The following DUSP3 variants were observed in gnomAD, a reference collection of about 807,000 sequenced individuals.
DUSP3 encodes dual specificity phosphatase 3, also known as dual specificity protein phosphatase 3.
In DUSP3, 7 loss-of-function variants were observed where a neutral mutation model predicts 15.5. That is an observed-to-expected ratio of 0.45 (90% CI 0.26 to 0.85). DUSP3 has a LOEUF of 0.85. Among genes scored for constraint, DUSP3 ranks in the 40% least tolerant of loss-of-function variants. The probability of loss-of-function intolerance (pLI) is 0.18; values close to 1 mark genes in which losing one functional copy is unlikely to be tolerated. For synonymous variants in DUSP3, 86 were observed against 104.2 expected (o/e 0.83, Z 1.07); for missense variants, 209 against 251.7 (o/e 0.83, Z 1.15).
At chr17:43,774,281 A>G (rs949757091) in intron 2 of DUSP3, among the ~76,000 whole-genome samples, 7 of 152,022 alleles carry the variant, frequency 4.6e-5, no homozygotes, top group African/African-American at 1.7e-4. Flanking sequence ...AGAAGAGAGA[A>G]AGGGAAAGGG....
chr17:43,766,364 C>T lies in DUSP3; in HGVS notation c.*3245G>A, dbSNP rs1974241907. The T allele has an allele frequency of 1.3e-5, 2 of 152,186 alleles. No homozygotes were observed. The highest frequency in any genetic ancestry group is 1.3e-4 in the Admixed American group (2 of 15,270). The allele number at this position is 152,186 out of a possible 1,614,324, so 9.4% of individuals were successfully genotyped here. A position where few individuals can be genotyped will look rare whatever the true frequency, so the allele number is the denominator to read the frequency against. On this transcript the variant is annotated 3_prime_UTR_variant, in exon 3 of 3. Coordinates refer to ENST00000226004, the MANE Select transcript of DUSP3 (RefSeq NM_004090.4). Reference sequence around the variant, plus strand: ...CTCAACCGGAAATGTCTTCTATTTCCAATCAGGATAAAACCTTGACTTACT... The same window carrying T: ...CTCAACCGGAAATGTCTTCTATTTCTAATCAGGATAAAACCTTGACTTACT...
At position 43,769,531 on chromosome 17, in the gene DUSP3, TC is replaced by T; in HGVS notation, c.*77del. The T allele has an allele frequency of 1.3e-6, 2 of 1,539,250 alleles. No individual in the cohort carries two copies. The highest frequency in any genetic ancestry group is 1.8e-6 in the Non-Finnish European group (2 of 1,123,496). On this transcript the variant is annotated 3_prime_UTR_variant, in exon 3 of 3. Coordinates refer to ENST00000226004, the MANE Select transcript of DUSP3 (RefSeq NM_004090.4). Reference sequence around the variant, plus strand: ...TGCTGGGAGCAGGGTACAGTGTGTTTCCTAAACATGGCAGCTCGGGACACCT... The same window carrying T: ...TGCTGGGAGCAGGGTACAGTGTGTTTCTAAACATGGCAGCTCGGGACACCT...
At position 43,766,493 on chromosome 17, in the gene DUSP3, T is replaced by C. The variant is rs1484973800; in HGVS notation, c.*3116A>G. The C allele has an allele frequency of 6.8e-6, 1 of 147,294 alleles. No homozygotes were observed. The highest frequency in any genetic ancestry group is 1.5e-5 in the Non-Finnish European group (1 of 66,044). The allele number at this position is 147,294 out of a possible 1,614,324, so 9.1% of individuals were successfully genotyped here. A position where few individuals can be genotyped will look rare whatever the true frequency, so the allele number is the denominator to read the frequency against. On this transcript the variant is annotated 3_prime_UTR_variant, in exon 3 of 3. Coordinates refer to ENST00000226004, the MANE Select transcript of DUSP3 (RefSeq NM_004090.4). Reference sequence around the variant, plus strand: ...CTCATGTCTTCATATTGAAGATCAGTACTTTTTTTTTTTTTTTTCCTTTAA... The same window carrying C: ...CTCATGTCTTCATATTGAAGATCAGCACTTTTTTTTTTTTTTTTCCTTTAA...
chr17:43,772,520 T>A (rs530339194), intron 2 of DUSP3, among the ~76,000 whole-genome samples: 1 of 152,272 alleles, frequency 6.6e-6, no homozygotes, highest in African/African-American at 2.4e-5. Context: ...GACTGCTCCC[T>A]CTTGAGTACC....
intron 1 of DUSP3, 78 bp downstream of exon 1, chr17:43,778,721 GC>G (rs1974424601): frequency 5.0e-6 from 7 of 1,393,846 alleles, no homozygotes; most frequent in Non-Finnish European, 6.6e-6. Context: ...CCCAAGACTC[GC>G]GACACCCCGA....
rs11649922 is a variant in DUSP3, at chr17:43,774,673, G to A, written c.352+39C>T. On this transcript the variant is annotated intron_variant, in intron 2 of 2. Transcript: ENST00000226004. ...GTTTTCCAGAGGGACAGTCCAGTCA[G>A]AGCTGCCTCCCATCTTTTCCTGGTG... The A allele has an allele frequency of 4.7e-3, 7,554 of 1,608,028 alleles. 36 individuals carry two copies. The highest frequency in any genetic ancestry group is 9.4e-3 in the Middle Eastern group (57 of 6,048).
In DUSP3 at chr17:43,767,093, G is replaced by A. The variant is rs1459943591; in HGVS notation, c.*2516C>T. ...ACTATCAAGAAATCCCAAGTTATCA[G>A]CATAAAAGTAGTCCCAAAGTAAAGG... On this transcript the variant is annotated 3_prime_UTR_variant, in exon 3 of 3. Coordinates refer to ENST00000226004, the MANE Select transcript of DUSP3 (RefSeq NM_004090.4). The A allele has an allele frequency of 1.6e-4, 25 of 152,676 alleles. No homozygotes were observed. The highest frequency in any genetic ancestry group is 1.6e-3 in the Admixed American group (25 of 15,278). The allele number at this position is 152,676 out of a possible 1,614,324, so 9.5% of individuals were successfully genotyped here. A position where few individuals can be genotyped will look rare whatever the true frequency, so the allele number is the denominator to read the frequency against.
intron 1 of DUSP3, among the ~76,000 whole-genome samples, chr17:43,775,248 T>A (rs1405765148): frequency 6.6e-6 from 1 of 152,102 alleles, no homozygotes; most frequent in Non-Finnish European, 1.5e-5. Flanking sequence ...TTGTCTCCCC[T>A]CCATTCCATT....
rs1974283946 is a variant in DUSP3, at chr17:43,769,516, A to AG, written c.*92dup. The AG allele has an allele frequency of 1.6e-5, 23 of 1,409,498 alleles. No individual in the cohort carries two copies. Among genetic ancestry groups the AG allele is most frequent in the Non-Finnish European group, 2.1e-5 (21 of 1,018,554 alleles). The allele number at this position is 1,409,498 out of a possible 1,614,324, so 87.3% of individuals were successfully genotyped here. A position where few individuals can be genotyped will look rare whatever the true frequency, so the allele number is the denominator to read the frequency against. On this transcript the variant is annotated 3_prime_UTR_variant, in exon 3 of 3. Coordinates refer to ENST00000226004, the MANE Select transcript of DUSP3 (RefSeq NM_004090.4). ...ACAAGTGCCTTGTGATGCTGGGAGC[A>AG]GGGTACAGTGTGTTTCCTAAACATG... is the stretch of plus-strand genomic sequence containing the variant.
At chr17:43,775,702 C>T (rs1974378217) in intron 1 of DUSP3, among the ~76,000 whole-genome samples, 1 of 152,172 alleles carries the variant, frequency 6.6e-6, no homozygotes, top group Admixed American at 6.5e-5. Context: ...CAGCCCCCTC[C>T]CTGCCCCCAG....
At chr17:43,770,820 G>A (rs914013775) in intron 2 of DUSP3, among the ~76,000 whole-genome samples, 6 of 151,280 alleles carry the variant, frequency 4.0e-5, no homozygotes, top group South Asian at 2.1e-4. Context: ...GTGCAGTGGC[G>A]CGATCTCGGC....
rs1974274343 is a variant in DUSP3 at position 43,768,847 on chromosome 17, C to T, written c.*762G>A. 1 of 151,062 alleles carries T rather than the reference C, an allele frequency of 6.6e-6. No individual in the cohort carries two copies. The highest frequency in any genetic ancestry group is 1.5e-5 in the Non-Finnish European group (1 of 67,880). 9.4% of individuals were successfully genotyped at this position (151,062 alleles called of 1,614,324 possible). ...CCCAAGGCATCACTCTTCTCAAAAA[C>T]GAAGTGACTGAGATAAGATCGAAGG... On this transcript the variant is annotated 3_prime_UTR_variant, in exon 3 of 3. Coordinates refer to ENST00000226004, the MANE Select transcript of DUSP3 (RefSeq NM_004090.4).
Position 43,778,966 on chromosome 17 carries a change from G to C in DUSP3, c.-42C>G, listed in dbSNP as rs955755355. 10 of 1,317,912 alleles carry C rather than the reference G, an allele frequency of 7.6e-6. No individual in the cohort carries two copies. Among genetic ancestry groups the C allele is most frequent in the Non-Finnish European group, 9.7e-6 (10 of 1,027,370 alleles). The allele number at this position is 1,317,912 out of a possible 1,614,324, so 81.6% of individuals were successfully genotyped here. A position where few individuals can be genotyped will look rare whatever the true frequency, so the allele number is the denominator to read the frequency against. On this transcript the variant is annotated 5_prime_UTR_variant, in exon 1 of 3. Transcript: ENST00000226004. ...TGCACGCCCGGCAGGAGCAAGCGAG[G>C]CGGAGAGCGGCGGATCAGCTGGGCG...
chr17:43,775,427 GA>G (rs1412280761), intron 1 of DUSP3, among the ~76,000 whole-genome samples: 1 of 152,174 alleles, frequency 6.6e-6, no homozygotes, highest in Non-Finnish European at 1.5e-5. Flanking sequence ...GTAAAATGGG[GA>G]TAACAGTGCC....
In DUSP3 at chr17:43,778,868, G is replaced by A. The variant is rs1261749459; in HGVS notation, c.57C>T (p.Gly19=). Residue 19 remains glycine (G), a synonymous_variant, in exon 1 of 3, where the codon GGC becomes GGT. Transcript: ENST00000226004. ...GGCTCGGGAGGCTGTAGCAGCCGCT[G>A]CCGTCCGAGAGCAGGTCGTTGAGAT... ...VQDLNDLLSD[G]SGCYSLPSQP... The A allele has an allele frequency of 6.6e-7, 1 of 1,520,416 alleles. No homozygotes were observed. Among genetic ancestry groups the A allele is most frequent in the Admixed American group, 2.1e-5 (1 of 47,948 alleles). The allele number at this position is 1,520,416 out of a possible 1,614,324, so 94.2% of individuals were successfully genotyped here. A position where few individuals can be genotyped will look rare whatever the true frequency, so the allele number is the denominator to read the frequency against.
Position 43,768,726 on chromosome 17 carries a change from C to A in DUSP3, c.*883G>T, listed in dbSNP as rs1974272381. 6.6e-6 allele frequency: 1 copy of A among 151,500 alleles called. No individual in the cohort carries two copies. Among genetic ancestry groups the A allele is most frequent in the African/African-American group, 2.4e-5 (1 of 41,224 alleles). The allele number at this position is 151,500 out of a possible 1,614,324, so 9.4% of individuals were successfully genotyped here. A position where few individuals can be genotyped will look rare whatever the true frequency, so the allele number is the denominator to read the frequency against. On this transcript the variant is annotated 3_prime_UTR_variant, in exon 3 of 3. Coordinates refer to ENST00000226004, the MANE Select transcript of DUSP3 (RefSeq NM_004090.4). ...GCTTGGGCTTGCCAACACTACAATT[C>A]AGGACAAAACCCTTGTAATTCTCCA...
intron 2 of DUSP3, among the ~76,000 whole-genome samples, chr17:43,770,904 G>A (rs1013955018): frequency 1.1e-4 from 16 of 151,526 alleles, no homozygotes; most frequent in Admixed American, 5.9e-4. Flanking sequence ...GACTACAGGC[G>A]CATGCCACCA....
rs138307120 is a variant in DUSP3 at position 43,766,563 on chromosome 17, C to G, written c.*3046G>C. On this transcript the variant is annotated 3_prime_UTR_variant, in exon 3 of 3. Transcript: ENST00000226004. Reference sequence around the variant, plus strand: ...GTGGCACAAAAGGCACCAACATTCCCTTTCCAAACCATCCATCACCATGGG... The same window carrying G: ...GTGGCACAAAAGGCACCAACATTCCGTTTCCAAACCATCCATCACCATGGG... 2.4e-4 allele frequency: 36 copies of G among 152,122 alleles called. No homozygotes were observed. In the East Asian group the frequency reaches 5.6e-3, roughly 24 times the overall value. The allele number at this position is 152,122 out of a possible 1,614,324, so 9.4% of individuals were successfully genotyped here. A position where few individuals can be genotyped will look rare whatever the true frequency, so the allele number is the denominator to read the frequency against.
In DUSP3 at chr17:43,769,742, C is replaced by T. The variant is rs560515106; in HGVS notation, c.425G>A (p.Arg142Gln). The change falls in exon 3 of 3, where the codon CGG becomes CAG. Residue 142 changes from arginine to glutamine, a missense_variant. Physicochemically the swap from Arg to Gln is conservative, Grantham distance 43. Transcript: ENST00000226004. ...GGCAGACTTGACGTCCATCTTCTGCCGCATCATGAGGTAGGCGATAACTAG... is the reference window on the plus strand; with the variant it reads ...GGCAGACTTGACGTCCATCTTCTGCTGCATCATGAGGTAGGCGATAACTAG... ...PTLVIAYLMM[R>Q]QKMDVKSALS... 11 of 1,614,054 alleles carry T rather than the reference C, an allele frequency of 6.8e-6. No homozygotes were observed. Among genetic ancestry groups the T allele is most frequent in the Middle Eastern group, 1.7e-4 (1 of 6,052 alleles).
Sources: allele counts gnomAD v4.1 joint callset (sites outside exome capture counted in the v4.1 genomes callset), GRCh38; gene constraint gnomAD v4.1.1; transcripts MANE v1.5; gene names NCBI Gene and HGNC (gene_info 2026-07-23, HGNC 2026-07-21).